RASAL2: variants seen among roughly 807,000 people sequenced by gnomAD.
RASAL2 encodes the protein ras GTPase-activating protein nGAP.
Under a neutral mutation model 128.9 loss-of-function variants are expected in RASAL2, and 58 were observed. The observed-to-expected ratio is 0.45, with a 90% CI of 0.36 to 0.56. The LOEUF (loss-of-function observed/expected upper bound fraction) is 0.56, where lower values mean the gene tolerates loss of function less well. Ranked by LOEUF, RASAL2 falls within the 20% of genes least tolerant of loss-of-function variation. RASAL2 has a pLI of 0.00. For synonymous variants in RASAL2, 561 were observed against 580.8 expected, an observed-to-expected ratio of 0.97 and a Z score of 0.49; for missense variants, 1,360 against 1,601.6, an observed-to-expected ratio of 0.85 and a Z score of 2.57.
intron 5 of RASAL2, among the ~76,000 whole-genome samples, chr1:178,432,360 A>G (rs1357385166): frequency 2.0e-5 from 3 of 152,092 alleles, no homozygotes; most frequent in African/African-American, 7.2e-5. Flanking sequence ...AGTGGCTACT[A>G]TTAATCCACC....
chr1:178,141,927 C>T (rs566917900), intron 1 of RASAL2, among the ~76,000 whole-genome samples: 33 of 151,922 alleles, frequency 2.2e-4, no homozygotes, highest in Admixed American at 4.6e-4. Context: ...TACGATGGGG[C>T]GTCAATATTT....
At chr1:178,181,944 C>T (rs1399885154) in intron 1 of RASAL2, among the ~76,000 whole-genome samples, 5 of 152,086 alleles carry the variant, frequency 3.3e-5, no homozygotes, top group Admixed American at 3.3e-4. Flanking sequence ...TGCTAGGTTT[C>T]TCTGCTGTAA....
chr1:178,241,341 G>T (rs1664488356), intron 1 of RASAL2, among the ~76,000 whole-genome samples: 1 of 152,098 alleles, frequency 6.6e-6, no homozygotes, highest in South Asian at 2.1e-4. Flanking sequence ...AGTACTATAT[G>T]TTTCTTTTGG....
chr1:178,113,763 T>C (rs1171891371), intron 1 of RASAL2, among the ~76,000 whole-genome samples: 2 of 152,194 alleles, frequency 1.3e-5, no homozygotes, highest in South Asian at 2.1e-4. Context: ...AATCTATAGA[T>C]CAATTTTGGG....
chr1:178,278,999 TTG>T (rs1462908315), intron 1 of RASAL2, among the ~76,000 whole-genome samples: 6 of 152,342 alleles, frequency 3.9e-5, no homozygotes, highest in Non-Finnish European at 8.8e-5. Context: ...ATATTAGCAT[TTG>T]CAGTTACTGA....
intron 3 of RASAL2, among the ~76,000 whole-genome samples, chr1:178,333,190 G>A (rs1013731941): frequency 4.6e-5 from 7 of 151,806 alleles, no homozygotes; most frequent in African/African-American, 9.7e-5. Context: ...CACCGCTCCC[G>A]GCTAATTTTT....
chr1:178,411,068 G>A (rs1223638586), intron 4 of RASAL2, among the ~76,000 whole-genome samples: 8 of 151,988 alleles, frequency 5.3e-5, no homozygotes, highest in South Asian at 2.1e-4. Context: ...ACTTGCACAC[G>A]TATATAGTAG....
intron 3 of RASAL2, among the ~76,000 whole-genome samples, chr1:178,353,603 C>T (rs944887357): frequency 3.9e-5 from 6 of 152,188 alleles, no homozygotes; most frequent in African/African-American, 9.6e-5. Context: ...CAGCTTCTAC[C>T]AGTTACCAAA....
intron 3 of RASAL2, among the ~76,000 whole-genome samples, chr1:178,388,888 T>G (rs952360680): frequency 1.2e-4 from 19 of 152,200 alleles, no homozygotes; most frequent in African/African-American, 4.6e-4. Context: ...TGAAAGTAAC[T>G]AATGAGGATG....
chr1:178,171,121 G>A (rs749399735), intron 1 of RASAL2, among the ~76,000 whole-genome samples: 2 of 151,990 alleles, frequency 1.3e-5, no homozygotes, highest in African/African-American at 2.4e-5. Flanking sequence ...TCCACAGAAC[G>A]TATGGAGTAT....
chr1:178,272,071 T>C (rs1442116135), intron 1 of RASAL2, among the ~76,000 whole-genome samples: 3 of 152,332 alleles, frequency 2.0e-5, no homozygotes, highest in Non-Finnish European at 4.4e-5. Flanking sequence ...ATACTGCTTT[T>C]TTGTAGTGTT....
intron 3 of RASAL2, chr1:178,372,178 CT>C: frequency 1.0e-6 from 1 of 985,228 alleles, no homozygotes; most frequent in African/African-American, 1.7e-5. Flanking sequence ...TCTCTGTATC[CT>C]TTTTTTCTCA....
At chr1:178,471,561 G>A (rs889112575) in intron 17 of RASAL2, among the ~76,000 whole-genome samples, 3 of 152,084 alleles carry the variant, frequency 2.0e-5, no homozygotes, top group Non-Finnish European at 4.4e-5. Flanking sequence ...CTCCATCAGG[G>A]AAAGAAGGAT....
At chr1:178,226,052 C>G (rs761452808) in intron 1 of RASAL2, among the ~76,000 whole-genome samples, 1 of 152,112 alleles carries the variant, frequency 6.6e-6, no homozygotes, top group Non-Finnish European at 1.5e-5. Context: ...ACAGAGGAAC[C>G]TTGAGAACTT....
intron 5 of RASAL2, among the ~76,000 whole-genome samples, chr1:178,436,696 G>C (rs1676278001): frequency 6.6e-6 from 1 of 152,024 alleles, no homozygotes; most frequent in Non-Finnish European, 1.5e-5. Flanking sequence ...GCAAGCTAAA[G>C]TTTCTCAAGT....
At position 178,308,004 on chromosome 1, in the gene RASAL2, A is replaced by T. The variant is rs1668073649; in HGVS notation, c.457+7886A>T. On this transcript the variant is annotated intron_variant, in intron 3 of 17. Transcript: ENST00000367649. ...TGAACTGGTAAATTCAAATCCAAAC[A>T]TTTACTAACTCAAGGCTGCAGAGAT... Among the ~76,000 whole-genome samples, 2 of 152,180 alleles carry T rather than the reference A, an allele frequency of 1.3e-5. 1 individual carries two copies. Among genetic ancestry groups the T allele is most frequent in the South Asian group, 4.1e-4 (2 of 4,832 alleles).
chr1:178,182,963 G>A lies in RASAL2; in HGVS notation c.202+88269G>A, dbSNP rs192774866. On this transcript the variant is annotated intron_variant, in intron 1 of 17. Coordinates refer to ENST00000367649, the MANE Select transcript of RASAL2 (RefSeq NM_170692.4). The stretch of plus-strand genomic sequence containing the variant: ...GCAGCCTAGAACCTTCGCATGAGCA[G>A]TTCACAGTGGGGTTTGCAATTGCAT... Among the ~76,000 whole-genome samples the A allele has an allele frequency of 2.1e-3, 323 of 152,272 alleles. 2 individuals are homozygous for A. The highest frequency in any genetic ancestry group is 2.3e-3 in the Non-Finnish European group (155 of 68,030).
intron 1 of RASAL2, among the ~76,000 whole-genome samples, chr1:178,257,062 G>C (rs924258993): frequency 6.6e-6 from 1 of 152,116 alleles, no homozygotes; most frequent in Non-Finnish European, 1.5e-5. Flanking sequence ...AGATACTTAG[G>C]AATTTAATAA....
At chr1:178,141,199 T>TC (rs1465506226) in intron 1 of RASAL2, among the ~76,000 whole-genome samples, 2 of 125,602 alleles carry the variant, frequency 1.6e-5, no homozygotes, top group Non-Finnish European at 3.3e-5. Flanking sequence ...TTTTCTTTTT[T>TC]TTTTTTTTTT....
Sources: allele counts gnomAD v4.1 joint callset (sites outside exome capture counted in the v4.1 genomes callset), GRCh38; gene constraint gnomAD v4.1.1; transcripts MANE v1.5; gene names NCBI Gene and HGNC (gene_info 2026-07-23, HGNC 2026-07-21).